MYO3B: variants seen among roughly 807,000 people sequenced by gnomAD.
MYO3B encodes the protein myosin IIIB, also known as myosin-IIIb.
A neutral mutation model predicts 174.6 loss-of-function variants in MYO3B; 156 were observed. The ratio of observed to expected loss-of-function variants is 0.89; its 90% CI spans 0.78 to 1.02. The LOEUF is 1.02. Ranked by LOEUF, MYO3B falls within the 50% of genes least tolerant of loss-of-function variation. The pLI, the probability that MYO3B is intolerant of heterozygous loss-of-function variation, is 0.00. For synonymous variants in MYO3B, 563 were observed against 569.1 expected (o/e 0.99, Z 0.15); for missense variants, 1,632 against 1,639.4 (o/e 1.00, Z 0.08).
intron 32 of MYO3B, among the ~76,000 whole-genome samples, chr2:170,646,009 T>A (rs537581539): frequency 6.6e-6 from 1 of 152,288 alleles, no homozygotes; most frequent in South Asian, 2.1e-4. Context: ...CGGTGGCTCA[T>A]GCCTGTAATC....
intron 25 of MYO3B, among the ~76,000 whole-genome samples, chr2:170,479,462 TAC>T (rs921447912): frequency 3.4e-5 from 5 of 146,066 alleles, no homozygotes; most frequent in African/African-American, 4.9e-5. Flanking sequence ...TTTATATATA[TAC>T]ACACACATAT....
At chr2:170,431,037 A>T (rs1313065101) in intron 22 of MYO3B, among the ~76,000 whole-genome samples, 1 of 152,214 alleles carries the variant, frequency 6.6e-6, no homozygotes, top group Non-Finnish European at 1.5e-5. Flanking sequence ...GGAATAAGCC[A>T]TTCTCACACC....
At chr2:170,332,728 AGAG>A (rs2093920522) in intron 7 of MYO3B, among the ~76,000 whole-genome samples, 1 of 152,136 alleles carries the variant, frequency 6.6e-6, no homozygotes, top group South Asian at 2.1e-4. Context: ...GTGAAGCCAT[AGAG>A]GGTTGGTGGT....
At chr2:170,286,471 C>A (rs2093557208) in intron 7 of MYO3B, among the ~76,000 whole-genome samples, 1 of 152,140 alleles carries the variant, frequency 6.6e-6, no homozygotes, top group African/African-American at 2.4e-5. Flanking sequence ...TATTTAGAGG[C>A]TTTCCTGGAT....
chr2:170,557,136 A>ATTTT (rs1449970557), intron 32 of MYO3B, among the ~76,000 whole-genome samples: 2 of 63,740 alleles, frequency 3.1e-5, no homozygotes, highest in Non-Finnish European at 7.0e-5. Flanking sequence ...AGGGTTTTTT[A>ATTTT]TTTTTATTTT....
At chr2:170,297,190 A>G (rs972455698) in intron 7 of MYO3B, among the ~76,000 whole-genome samples, 3 of 152,172 alleles carry the variant, frequency 2.0e-5, no homozygotes, top group Non-Finnish European at 4.4e-5. Flanking sequence ...TGACTGAGGT[A>G]TGCCACTAGG....
chr2:170,216,798 A>G (rs1013139535), intron 5 of MYO3B, among the ~76,000 whole-genome samples: 6 of 152,168 alleles, frequency 3.9e-5, no homozygotes, highest in African/African-American at 1.2e-4. Context: ...AATAATTTGG[A>G]AATATAATAG....
chr2:170,413,971 C>T (rs1488259130), intron 22 of MYO3B, among the ~76,000 whole-genome samples: 4 of 151,418 alleles, frequency 2.6e-5, no homozygotes, highest in Admixed American at 6.6e-5. Context: ...ACCTGGGAGG[C>T]GGAGGTTGCA....
intron 8 of MYO3B, among the ~76,000 whole-genome samples, chr2:170,367,997 G>A (rs759733169): frequency 7.2e-5 from 11 of 152,168 alleles, no homozygotes; most frequent in Non-Finnish European, 1.6e-4. Flanking sequence ...TGGAGTAACT[G>A]GGAGATTTAC....
chr2:170,438,343 G>A (rs1481653080), intron 22 of MYO3B, among the ~76,000 whole-genome samples: 1 of 152,120 alleles, frequency 6.6e-6, no homozygotes, highest in Non-Finnish European at 1.5e-5. Context: ...TAGGCATTTA[G>A]TTTGTTTATA....
intron 32 of MYO3B, among the ~76,000 whole-genome samples, chr2:170,593,657 C>T (rs1484142002): frequency 6.6e-6 from 1 of 152,208 alleles, no homozygotes; most frequent in Admixed American, 6.5e-5. Context: ...TGTTATTATT[C>T]ACAATACATA....
chr2:170,582,973 A>G (rs1693244621), intron 32 of MYO3B, among the ~76,000 whole-genome samples: 1 of 151,984 alleles, frequency 6.6e-6, no homozygotes, highest in African/African-American at 2.4e-5. Context: ...CTTTGCCACA[A>G]AAACTAGCCT....
At chr2:170,492,518 G>A (rs16858495) in intron 25 of MYO3B, among the ~76,000 whole-genome samples, 9,602 of 152,208 alleles carry the variant, frequency 0.063, 944 homozygotes, top group African/African-American at 0.21. Flanking sequence ...TTACATGAAC[G>A]AAAGTAACCT....
rs556639020 is a variant in MYO3B at position 170,223,945 on chromosome 2, C to A, written c.603+6550C>A. Among the ~76,000 whole-genome samples, 4 of 152,280 alleles carry A rather than the reference C, an allele frequency of 2.6e-5. No homozygotes were observed. In the East Asian group the frequency reaches 7.7e-4, roughly 29 times the overall value. On this transcript the variant is annotated intron_variant, in intron 6 of 34. Coordinates refer to ENST00000408978, the MANE Select transcript of MYO3B (RefSeq NM_138995.5). The stretch of plus-strand genomic sequence containing the variant: ...ATTCTGGATGGTAAATGGCTGCCAT[C>A]CAGAGCCCCTTGAGTGCTCCTCAGC...
chr2:170,310,665 CAAAAAAAAA>C (rs746315736), intron 7 of MYO3B, among the ~76,000 whole-genome samples: 2 of 61,458 alleles, frequency 3.3e-5, no homozygotes, highest in African/African-American at 7.9e-5. Flanking sequence ...GACTCCATCT[CAAAAAAAAA>C]AAAAAAAAAA....
chr2:170,428,118 A>G (rs1189032394), intron 22 of MYO3B, among the ~76,000 whole-genome samples: 1 of 152,214 alleles, frequency 6.6e-6, no homozygotes, highest in African/African-American at 2.4e-5. Flanking sequence ...GAACTGAATA[A>G]GCTTACCTTA....
intron 8 of MYO3B, chr2:170,344,567 A>C (rs2094002406): frequency 1.3e-5 from 2 of 152,132 alleles, no homozygotes; most frequent in Admixed American, 1.3e-4. Context: ...ACCTAGCTGC[A>C]AAGGAAGCTA....
intron 7 of MYO3B, among the ~76,000 whole-genome samples, chr2:170,264,497 A>C (rs1002802936): frequency 1.3e-5 from 2 of 152,196 alleles, no homozygotes; most frequent in Non-Finnish European, 2.9e-5. Context: ...TAAGGAGAGG[A>C]CTACACTTCT....
chr2:170,585,022 T>G (rs1413798591), intron 32 of MYO3B, among the ~76,000 whole-genome samples: 2 of 152,212 alleles, frequency 1.3e-5, no homozygotes, highest in Non-Finnish European at 2.9e-5. Flanking sequence ...GGCTACACAT[T>G]GAAATCACCA....
Sources: allele counts gnomAD v4.1 joint callset (sites outside exome capture counted in the v4.1 genomes callset), GRCh38; gene constraint gnomAD v4.1.1; transcripts MANE v1.5; gene names NCBI Gene and HGNC (gene_info 2026-07-23, HGNC 2026-07-21).